TENM2: variants seen among roughly 807,000 people sequenced by gnomAD.
TENM2 encodes teneurin transmembrane protein 2.
TENM2 carries 52 observed loss-of-function variants against 245.2 expected under a neutral mutation model. The ratio of observed to expected loss-of-function variants is 0.21; its 90% CI spans 0.17 to 0.27. The LOEUF is 0.27. TENM2 is among the 10% of genes least tolerant of loss of function. The probability of loss-of-function intolerance (pLI) is 1.00; values close to 1 mark genes in which losing one functional copy is unlikely to be tolerated. For synonymous variants in TENM2, 1,363 were observed against 1,438.9 expected (o/e 0.95, Z 1.19); for missense variants, 3,046 against 3,666.8 (o/e 0.83, Z 4.37).
intron 3 of TENM2, among the ~76,000 whole-genome samples, chr5:167,921,324 G>T (rs1161063758): frequency 1.3e-5 from 2 of 152,156 alleles, no homozygotes; most frequent in Admixed American, 1.3e-4. Flanking sequence ...GCCTACTTTG[G>T]TTCCAAATAT....
At chr5:168,238,194 G>GGAGA (rs1765700686) in intron 25 of TENM2, among the ~76,000 whole-genome samples, 1 of 78,630 alleles carries the variant, frequency 1.3e-5, no homozygotes, top group African/African-American at 5.3e-5. Context: ...AGGGAGGGAG[G>GGAGA]GAGGGAGGGA....
intron 2 of TENM2, among the ~76,000 whole-genome samples, chr5:167,548,625 A>G (rs1026199033): frequency 6.6e-6 from 1 of 152,118 alleles, no homozygotes; most frequent in African/African-American, 2.4e-5. Context: ...GTTTCATTCT[A>G]CAAGGGTTTC....
the TENM2 span, among the ~76,000 whole-genome samples, chr5:167,271,586 C>T: frequency 6.6e-6 from 1 of 152,138 alleles, no homozygotes; most frequent in Admixed American, 6.5e-5. Flanking sequence ...TTATAAGGTA[C>T]GTGTTATCCC....
intron 2 of TENM2, among the ~76,000 whole-genome samples, chr5:167,511,354 T>A (rs1769940953): frequency 6.6e-6 from 1 of 151,900 alleles, no homozygotes; most frequent in African/African-American, 2.4e-5. Flanking sequence ...GGAGTAGAGA[T>A]CAGCTGCTTC....
intron 2 of TENM2, among the ~76,000 whole-genome samples, chr5:167,490,434 C>G (rs1402766215): frequency 2.6e-5 from 4 of 151,968 alleles, no homozygotes; most frequent in Non-Finnish European, 5.9e-5. Flanking sequence ...TGCCGTTTTT[C>G]TTAGTTGAAT....
intron 4 of TENM2, among the ~76,000 whole-genome samples, chr5:167,973,683 G>A (rs1423443086): frequency 6.6e-6 from 1 of 152,104 alleles, no homozygotes; most frequent in Non-Finnish European, 1.5e-5. Context: ...CCCAGCAAAA[G>A]GGCATTCCAG....
the TENM2 span, among the ~76,000 whole-genome samples, chr5:167,099,138 T>C: frequency 1.3e-5 from 2 of 152,186 alleles, no homozygotes; most frequent in African/African-American, 2.4e-5. Context: ...GCTCTACCGC[T>C]TACTAGCTGT....
Position 168,227,808 on chromosome 5 carries a change from T to TA in TENM2, c.5285-78dup, listed in dbSNP as rs1020463497. 2.0e-3 allele frequency: 1,712 copies of TA among 836,284 alleles called. 1 individual carries two copies. Among genetic ancestry groups the TA allele is most frequent in the Non-Finnish European group, 2.6e-3 (1,427 of 549,140 alleles). The allele number at this position is 836,284 out of a possible 1,614,324, so 51.8% of individuals were successfully genotyped here. A position where few individuals can be genotyped will look rare whatever the true frequency, so the allele number is the denominator to read the frequency against. ...GCTGCAAAGTACCATGGAAACCTATTAAAAAAAAATAGGGGTTCTATTCTC... is the reference window on the plus strand; with the variant it reads ...GCTGCAAAGTACCATGGAAACCTATTAAAAAAAAAATAGGGGTTCTATTCTC... On this transcript the variant is annotated intron_variant, in intron 24 of 28. Transcript: ENST00000518659.
intron 2 of TENM2, among the ~76,000 whole-genome samples, chr5:167,405,184 A>G (rs1011218153): frequency 1.3e-5 from 2 of 151,950 alleles, no homozygotes; most frequent in Non-Finnish European, 2.9e-5. Flanking sequence ...TTTTTCATTC[A>G]TCAGTTGATG....
At chr5:167,282,157 A>T (rs1169698333), upstream of TENM2, among the ~76,000 whole-genome samples, 1 of 152,206 alleles carries the variant, frequency 6.6e-6, no homozygotes, top group African/African-American at 2.4e-5. Context: ...ATAGGATTTC[A>T]TGAGTCAGGA....
the TENM2 span, among the ~76,000 whole-genome samples, chr5:167,009,018 G>A: frequency 6.6e-6 from 1 of 152,140 alleles, no homozygotes; most frequent in East Asian, 1.9e-4. Context: ...CCAAGTGTGT[G>A]GTTGTCAAGC....
intron 9 of TENM2, among the ~76,000 whole-genome samples, chr5:168,114,923 C>T (rs1794940470): frequency 6.6e-6 from 1 of 152,112 alleles, no homozygotes; most frequent in Admixed American, 6.5e-5. Flanking sequence ...AAATAAAACC[C>T]ATTCTTACCT....
intron 2 of TENM2, among the ~76,000 whole-genome samples, chr5:167,766,427 T>G (rs1231779938): frequency 1.3e-5 from 2 of 152,206 alleles, no homozygotes; most frequent in Admixed American, 1.3e-4. Flanking sequence ...TTATCAAAAG[T>G]GCAATTAGAA....
At chr5:167,345,600 G>A (rs1032002309) in intron 1 of TENM2, among the ~76,000 whole-genome samples, 4 of 152,098 alleles carry the variant, frequency 2.6e-5, no homozygotes, top group Admixed American at 6.6e-5. Flanking sequence ...TACAGAAGTC[G>A]CTTTTGGTAA....
At chr5:167,970,485 T>C (rs1257387257) in intron 4 of TENM2, among the ~76,000 whole-genome samples, 1 of 152,184 alleles carries the variant, frequency 6.6e-6, no homozygotes, top group East Asian at 1.9e-4. Flanking sequence ...ATTTCCTCTC[T>C]CTTGGAAATG....
chr5:167,905,909 G>GAAC (rs1776052106), intron 3 of TENM2, among the ~76,000 whole-genome samples: 1 of 152,140 alleles, frequency 6.6e-6, no homozygotes, highest in Non-Finnish European at 1.5e-5. Context: ...ATGCGACAGG[G>GAAC]AACATTAAGC....
intron 12 of TENM2, among the ~76,000 whole-genome samples, chr5:168,149,984 C>G (rs891508341): frequency 6.6e-6 from 1 of 152,170 alleles, no homozygotes; most frequent in African/African-American, 2.4e-5. Context: ...AACTTATCAT[C>G]AGGGGCTTCC....
the TENM2 span, among the ~76,000 whole-genome samples, chr5:167,125,396 G>A: frequency 5.9e-3 from 898 of 152,340 alleles, 12 homozygotes; most frequent in African/African-American, 0.021. Flanking sequence ...AACTGAGGGA[G>A]TCTAAGGTTC....
At chr5:167,935,265 T>C (rs1209243384) in intron 3 of TENM2, among the ~76,000 whole-genome samples, 1 of 152,162 alleles carries the variant, frequency 6.6e-6, no homozygotes, top group Non-Finnish European at 1.5e-5. Context: ...GGACAAGCTT[T>C]TGTGAGCCAA....
Sources: allele counts gnomAD v4.1 joint callset (sites outside exome capture counted in the v4.1 genomes callset), GRCh38; gene constraint gnomAD v4.1.1; transcripts MANE v1.5; gene names NCBI Gene and HGNC (gene_info 2026-07-23, HGNC 2026-07-21).